Variants in CAAP1 observed in about 807,000 individuals in gnomAD.
CAAP1 encodes conserved anti-apoptotic protein.
CAAP1 carries 20 observed loss-of-function variants against 34.0 expected under a neutral mutation model. That is an observed-to-expected ratio of 0.59 (90% CI 0.41 to 0.86). CAAP1 has a LOEUF of 0.86. CAAP1 is among the 40% of genes least tolerant of loss of function. The pLI, the probability that CAAP1 is intolerant of heterozygous loss-of-function variation, is 0.00. For missense variants in CAAP1, 538 were observed against 450.5 expected (o/e 1.19, Z -1.76); for synonymous variants, 213 against 166.7 (o/e 1.28, Z -2.14).
intron 4 of CAAP1, chr9:26,880,325 A>G (rs973355074): frequency 3.1e-6 from 1 of 327,002 alleles, no homozygotes; most frequent in South Asian, 2.4e-5. Context: ...AGTCCTGAGC[A>G]ATTTCTCAAG....
chr9:26,858,701 T>C (rs556610439), intron 5 of CAAP1, among the ~76,000 whole-genome samples: 4 of 151,896 alleles, frequency 2.6e-5, no homozygotes, highest in Non-Finnish European at 4.4e-5. Context: ...GGAGCGCCTG[T>C]AGTCCCAGCT....
chr9:26,857,809 C>G (rs1329199793), intron 5 of CAAP1, among the ~76,000 whole-genome samples: 1 of 152,128 alleles, frequency 6.6e-6, no homozygotes, highest in Non-Finnish European at 1.5e-5. Context: ...AAATCTGATA[C>G]TCATCTTCAG....
intron 4 of CAAP1, among the ~76,000 whole-genome samples, chr9:26,877,400 C>A (rs1377744110): frequency 6.6e-6 from 1 of 152,146 alleles, no homozygotes; most frequent in African/African-American, 2.4e-5. Context: ...GACGTTTGCA[C>A]AACAAATCAC....
rs1822897237 is a variant in CAAP1, at chr9:26,857,434, C to T, written c.739+3632G>A. On this transcript the variant is annotated intron_variant, in intron 5 of 5. Transcript: ENST00000333916. ...ATCACCTGAGGTAGGGAGTTCGGGA[C>T]TAGCCTGACCAACATGGTAAAACCC... 2.0e-5 allele frequency among the ~76,000 whole-genome samples: 3 copies of T among 152,200 alleles called. No homozygotes were observed. In the South Asian group the frequency reaches 6.2e-4, roughly 32 times the overall value.
intron 5 of CAAP1, among the ~76,000 whole-genome samples, chr9:26,843,790 A>T (rs562598181): frequency 2.7e-4 from 41 of 152,320 alleles, no homozygotes; most frequent in Middle Eastern, 3.4e-3. Context: ...ATGATGATTT[A>T]CTGACCTTCA....
At chr9:26,883,054 G>A (rs956916459) in intron 4 of CAAP1, among the ~76,000 whole-genome samples, 5 of 152,122 alleles carry the variant, frequency 3.3e-5, no homozygotes, top group African/African-American at 7.2e-5. Context: ...TAGGCGGAAG[G>A]GACTTGCCTT....
At chr9:26,855,823 G>A (rs1272486987) in intron 5 of CAAP1, among the ~76,000 whole-genome samples, 1 of 152,108 alleles carries the variant, frequency 6.6e-6, no homozygotes, top group Non-Finnish European at 1.5e-5. Flanking sequence ...AGAGCGTAAT[G>A]ACTAAAAAGA....
rs765195235 is a variant in CAAP1 at position 26,841,849 on chromosome 9, T to C, written c.*452A>G. 6.6e-6 allele frequency: 1 copy of C among 152,398 alleles called. No homozygotes were observed. The highest frequency in any genetic ancestry group is 2.4e-5 in the African/African-American group (1 of 41,466). The allele number at this position is 152,398 out of a possible 1,614,324, so 9.4% of individuals were successfully genotyped here. ...CATAAGGAATCTTCAAAATAGTATA[T>C]ATTTAAAAAGTGCATATAAGCAAAA... On this transcript the variant is annotated 3_prime_UTR_variant, in exon 6 of 6. Coordinates refer to ENST00000333916, the MANE Select transcript of CAAP1 (RefSeq NM_024828.4).
rs937860576 is a variant in CAAP1, at chr9:26,842,196, G to A, written c.*105C>T. The A allele has an allele frequency of 9.0e-5, 79 of 875,576 alleles. No individual in the cohort carries two copies. The Middle Eastern group carries it at 1.1e-3, about 12-fold the overall frequency. The allele number at this position is 875,576 out of a possible 1,614,324, so 54.2% of individuals were successfully genotyped here. On this transcript the variant is annotated 3_prime_UTR_variant, in exon 6 of 6. Coordinates refer to ENST00000333916, the MANE Select transcript of CAAP1 (RefSeq NM_024828.4). ...AGGGCTAAAATGAGTCCTAATAAGG[G>A]TTACATGAGAAATAACATATAAGAC...
In CAAP1 at chr9:26,842,630, C is replaced by T; in HGVS notation, c.757G>A (p.Asp253Asn). 1 of 1,605,464 alleles carries T rather than the reference C, an allele frequency of 6.2e-7. No individual in the cohort carries two copies. The highest frequency in any genetic ancestry group is 8.5e-7 in the Non-Finnish European group (1 of 1,176,226). ...GCATCTGCATTTATACTGAGTACAT[C>T]ACTATCTTCCCCTTTTCCTGTAACC... ...ELKQGKGEDS[D>N]VLSINADAYD... Residue 253 changes from aspartate (D) to asparagine (N), a missense_variant, in exon 6 of 6, where the codon GAT becomes AAT. Asp to Asn is a conservative substitution (Grantham distance 23). Coordinates refer to ENST00000333916, the MANE Select transcript of CAAP1 (RefSeq NM_024828.4).
At chr9:26,844,469 A>G (rs1822549585) in intron 5 of CAAP1, among the ~76,000 whole-genome samples, 1 of 152,266 alleles carries the variant, frequency 6.6e-6, no homozygotes, top group African/African-American at 2.4e-5. Flanking sequence ...TCTGAATAAG[A>G]AACTACAGGC....
At chr9:26,844,395 C>T (rs1019252285) in intron 5 of CAAP1, among the ~76,000 whole-genome samples, 2 of 152,128 alleles carry the variant, frequency 1.3e-5, no homozygotes, top group Non-Finnish European at 2.9e-5. Flanking sequence ...TGTTCACAGC[C>T]TCAAAAAATT....
rs1823941412 is a variant in CAAP1, at chr9:26,892,650, C to A, written c.66G>T (p.Ala22=). Residue 22 remains alanine (A), a synonymous_variant, in exon 1 of 6, where the codon GCG becomes GCT. Coordinates refer to ENST00000333916, the MANE Select transcript of CAAP1 (RefSeq NM_024828.4). Reference sequence around the variant, plus strand: ...CGGGTACGATGTCCGGGGCCGCGAGCGCTGCGGCCGCCTCCTGACTGCTAC... The same window carrying A: ...CGGGTACGATGTCCGGGGCCGCGAGAGCTGCGGCCGCCTCCTGACTGCTAC... ...RKRSSQEAAA[A]LAAPDIVPAL... 3 of 1,607,658 alleles carry A rather than the reference C, an allele frequency of 1.9e-6. No homozygotes were observed. Among genetic ancestry groups the A allele is most frequent in the Non-Finnish European group, 1.7e-6 (2 of 1,179,224 alleles).
At chr9:26,892,359 C>G in intron 1 of CAAP1, 54 bp downstream of exon 1, 1 of 1,590,676 alleles carries the variant, frequency 6.3e-7, no homozygotes, top group Non-Finnish European at 8.5e-7. Flanking sequence ...GGAAGCCCGA[C>G]TTCTTCCGAA....
At chr9:26,877,061 G>A (rs1030518983) in intron 4 of CAAP1, among the ~76,000 whole-genome samples, 5 of 152,082 alleles carry the variant, frequency 3.3e-5, no homozygotes, top group African/African-American at 1.2e-4. Context: ...AGCTGAGGCG[G>A]ATCACTTGAG....
At chr9:26,885,074 C>CTTT (rs397893644) in intron 3 of CAAP1, among the ~76,000 whole-genome samples, 189 bp from the exon 4 acceptor site, 21 of 116,890 alleles carry the variant, frequency 1.8e-4, no homozygotes, top group Non-Finnish European at 2.7e-4. Context: ...TTTCTCATTG[C>CTTT]TTTTTTTTTT....
chr9:26,863,564 T>G (rs1823054825), intron 4 of CAAP1, among the ~76,000 whole-genome samples: 1 of 152,002 alleles, frequency 6.6e-6, no homozygotes, highest in South Asian at 2.1e-4. Context: ...AAATAAAAAT[T>G]TTGTCCACTC....
intron 5 of CAAP1, among the ~76,000 whole-genome samples, chr9:26,852,384 G>A (rs1271090086): frequency 6.6e-6 from 1 of 151,988 alleles, no homozygotes; most frequent in Non-Finnish European, 1.5e-5. Context: ...GAACCCGGGA[G>A]GCGGAGGCTG....
rs1336125544 is a variant in CAAP1 at position 26,887,443 on chromosome 9, CCTT to C, written c.371_373del (p.Glu124del). On this transcript the variant is annotated inframe_deletion, in exon 2 of 6. Transcript: ENST00000333916. ...CAATGACACAGTCAGGTCCAGTCCA[CCTT>C]CTTCAAGGTCACTGTGCTCTGCCAA... The C allele has an allele frequency of 1.9e-6, 3 of 1,613,586 alleles. No homozygotes were observed. In the African/African-American group the frequency reaches 4.0e-5, roughly 22 times the overall value.
Sources: gnomAD v4.1 joint callset for allele counts (sites outside exome capture counted in the v4.1 genomes callset) on GRCh38, gnomAD v4.1.1 for gene constraint, MANE v1.5 for transcripts, NCBI Gene and HGNC (gene_info 2026-07-23, HGNC 2026-07-21) for gene names.